TTC23: variants seen among roughly 807,000 people sequenced by gnomAD.
The protein encoded by TTC23 is tetratricopeptide repeat domain 23.
A neutral mutation model predicts 55.1 loss-of-function variants in TTC23; 58 were observed. That is an observed-to-expected ratio of 1.05 (90% CI 0.85 to 1.31). TTC23 has a LOEUF of 1.31. Among genes scored for constraint, TTC23 ranks in the 50% most tolerant of loss-of-function variants. The pLI is 0.00. For missense variants in TTC23, 516 were observed against 534.4 expected, an observed-to-expected ratio of 0.97 and a Z score of 0.34; for synonymous variants, 203 against 199.9, an observed-to-expected ratio of 1.02 and a Z score of -0.13.
At chr15:99,236,008 T>C (rs1014374928) in intron 3 of TTC23, among the ~76,000 whole-genome samples, 3 of 152,244 alleles carry the variant, frequency 2.0e-5, no homozygotes, top group Non-Finnish European at 4.4e-5. Flanking sequence ...CTAAATACTA[T>C]ATAACATATT....
At chr15:99,223,589 T>C (rs1302386641) in intron 5 of TTC23, among the ~76,000 whole-genome samples, 1 of 152,150 alleles carries the variant, frequency 6.6e-6, no homozygotes, top group Non-Finnish European at 1.5e-5. Flanking sequence ...ACAGCATCTG[T>C]GGAATTTTGT....
At chr15:99,164,898 G>A (rs1429529168) in intron 10 of TTC23, among the ~76,000 whole-genome samples, 3 of 152,174 alleles carry the variant, frequency 2.0e-5, no homozygotes, top group Non-Finnish European at 4.4e-5. Flanking sequence ...AAAGAGAGCA[G>A]GCTCTGGGCT....
At chr15:99,214,075 A>T (rs925946118) in intron 8 of TTC23, among the ~76,000 whole-genome samples, 3 of 152,126 alleles carry the variant, frequency 2.0e-5, no homozygotes, top group Non-Finnish European at 4.4e-5. Flanking sequence ...TAGTCTTAAA[A>T]TTTTTTTAGC....
intron 4 of TTC23, among the ~76,000 whole-genome samples, chr15:99,233,153 G>C (rs544937502): frequency 6.6e-6 from 1 of 152,290 alleles, no homozygotes; most frequent in East Asian, 1.9e-4. Context: ...AAATTCAAGA[G>C]ATCTATTGTA....
intron 9 of TTC23, among the ~76,000 whole-genome samples, chr15:99,199,494 T>C (rs140056113): frequency 1.6e-4 from 24 of 151,060 alleles, no homozygotes; most frequent in Non-Finnish European, 2.7e-4. Flanking sequence ...ATCCTATTGG[T>C]TCTGTTTCTC....
intron 10 of TTC23, among the ~76,000 whole-genome samples, chr15:99,165,431 C>T (rs77785299): frequency 0.042 from 6,382 of 152,314 alleles, 187 homozygotes; most frequent in Non-Finnish European, 0.062. Flanking sequence ...AATATGTCTA[C>T]CAAATCTAGT....
chr15:99,197,550 C>G (rs966808460), intron 9 of TTC23, among the ~76,000 whole-genome samples: 1 of 151,952 alleles, frequency 6.6e-6, no homozygotes, highest in African/African-American at 2.4e-5. Context: ...GTGCTAAGCT[C>G]TTTACAAACT....
chr15:99,199,530 A>G (rs2076030305), intron 9 of TTC23, among the ~76,000 whole-genome samples: 1 of 151,812 alleles, frequency 6.6e-6, no homozygotes, highest in Non-Finnish European at 1.5e-5. Flanking sequence ...GACACAACAC[A>G]CTCACTGAGG....
intron 4 of TTC23, among the ~76,000 whole-genome samples, chr15:99,232,911 T>A (rs2079041758): frequency 6.6e-6 from 1 of 152,102 alleles, no homozygotes; most frequent in Admixed American, 6.5e-5. Context: ...GATGAATGGA[T>A]AAAGAAAATG....
intron 8 of TTC23, among the ~76,000 whole-genome samples, chr15:99,217,591 C>T (rs939724735): frequency 1.3e-5 from 2 of 152,124 alleles, no homozygotes; most frequent in African/African-American, 2.4e-5. Context: ...GAGAAAAGAT[C>T]GGAGATGAAG....
intron 4 of TTC23, among the ~76,000 whole-genome samples, chr15:99,231,746 C>T (rs1420638726): frequency 6.6e-6 from 1 of 151,952 alleles, no homozygotes; most frequent in Non-Finnish European, 1.5e-5. Flanking sequence ...CCCACCTCTG[C>T]CTCCCAAAGT....
chr15:99,206,785 T>A (rs900468516), intron 8 of TTC23, among the ~76,000 whole-genome samples: 5 of 152,136 alleles, frequency 3.3e-5, no homozygotes, highest in African/African-American at 9.6e-5. Flanking sequence ...TCTTTTGAAT[T>A]TTTTTAGTCT....
intron 13 of TTC23, 84 bp downstream of exon 13, chr15:99,139,233 C>G (rs782262574): frequency 3.3e-6 from 5 of 1,526,162 alleles, no homozygotes; most frequent in South Asian, 2.3e-5. Flanking sequence ...GAAGGTTACA[C>G]AGAACCTTCT....
intron 8 of TTC23, among the ~76,000 whole-genome samples, chr15:99,215,249 G>A (rs1196044696): frequency 1.3e-5 from 2 of 152,012 alleles, no homozygotes; most frequent in Non-Finnish European, 1.5e-5. Context: ...TCAGTTGTAC[G>A]TATTACAAAT....
chr15:99,144,787 A>T (rs782536181), intron 12 of TTC23: 16 of 152,222 alleles, frequency 1.1e-4, no homozygotes, highest in African/African-American at 3.1e-4. Flanking sequence ...GGTAAATTTT[A>T]AAAAATTGCT....
intron 12 of TTC23, among the ~76,000 whole-genome samples, chr15:99,154,075 T>G (rs28607625): frequency 0.043 from 6,505 of 152,162 alleles, 284 homozygotes; most frequent in African/African-American, 0.11. Flanking sequence ...GTAAAAGAAA[T>G]AGAGAAAATT....
intron 9 of TTC23, among the ~76,000 whole-genome samples, chr15:99,197,480 TAAAAG>T (rs1280032321): frequency 1.3e-5 from 2 of 151,954 alleles, no homozygotes; most frequent in African/African-American, 4.8e-5. Context: ...AAAAATAACA[TAAAAG>T]GAAAGGAAAG....
At chr15:99,185,020 G>A (rs978468011) in intron 9 of TTC23, among the ~76,000 whole-genome samples, 1 of 152,046 alleles carries the variant, frequency 6.6e-6, no homozygotes, top group African/African-American at 2.4e-5. Flanking sequence ...CTGTGAACAG[G>A]TGCCTTTTGT....
intron 12 of TTC23, among the ~76,000 whole-genome samples, chr15:99,153,078 C>T (rs2070050699): frequency 6.6e-6 from 1 of 152,262 alleles, no homozygotes; most frequent in African/African-American, 2.4e-5. Flanking sequence ...GGATTACAGG[C>T]ATGAGCCACC....
Sources: gnomAD v4.1 joint callset for allele counts (sites outside exome capture counted in the v4.1 genomes callset) on GRCh38, gnomAD v4.1.1 for gene constraint, MANE v1.5 for transcripts, NCBI Gene and HGNC (gene_info 2026-07-23, HGNC 2026-07-21) for gene names.